CAPZB: variants seen among roughly 807,000 people sequenced by gnomAD.
The protein encoded by CAPZB is F-actin-capping protein subunit beta.
Under a neutral mutation model 38.1 loss-of-function variants are expected in CAPZB, and 2 were observed. That is an observed-to-expected ratio of 0.05 (90% CI 0.02 to 0.17). The LOEUF is 0.17. CAPZB is among the 10% of genes least tolerant of loss of function. CAPZB has a pLI of 1.00. For synonymous variants in CAPZB, 107 were observed against 127.4 expected (o/e 0.84, Z 1.08); for missense variants, 161 against 334.2 (o/e 0.48, Z 4.04).
At position 19,448,452 on chromosome 1, in the gene CAPZB, A is replaced by G. The variant is rs115066945; in HGVS notation, c.4-28702T>C. Among the ~76,000 whole-genome samples the G allele has an allele frequency of 5.1e-3, 771 of 152,368 alleles. 7 individuals carry two copies. Among genetic ancestry groups the G allele is most frequent in the African/African-American group, 0.018 (731 of 41,588 alleles). ...CTCTCTGACAACCGCCTTAATCCAC[A>G]AAGCCCAGAGGTAAAAACTCACAAG... On this transcript the variant is annotated intron_variant, in intron 1 of 8. Transcript: ENST00000264202.
chr1:19,371,680 C>G (rs558250081), intron 4 of CAPZB, among the ~76,000 whole-genome samples: 163 of 152,216 alleles, frequency 1.1e-3, no homozygotes, highest in African/African-American at 3.7e-3. Flanking sequence ...AGCCCCCCAG[C>G]ACCTCAGCTG....
intron 6 of CAPZB, among the ~76,000 whole-genome samples, chr1:19,347,919 G>C (rs1360613552): frequency 2.0e-5 from 3 of 152,182 alleles, no homozygotes; most frequent in African/African-American, 7.2e-5. Flanking sequence ...AAATGTACCA[G>C]GGCAAATGCA....
intron 1 of CAPZB, among the ~76,000 whole-genome samples, chr1:19,434,550 C>CT (rs11483583): frequency 0.47 from 69,563 of 146,786 alleles, 16,632 homozygotes; most frequent in African/African-American, 0.58. Flanking sequence ...CAGAGTAAGC[C>CT]TTTTTTTTTT....
rs214329 is a variant in CAPZB, at chr1:19,349,439, G to T, written c.589-4187C>A. Among the ~76,000 whole-genome samples the T allele has an allele frequency of 7.0e-3, 1,058 of 152,196 alleles. 14 individuals carry two copies. The highest frequency in any genetic ancestry group is 0.024 in the African/African-American group (995 of 41,516). ...CGGCCACCCTAGGGAAGGGATGAGG[G>T]TTTTGAGCTCACTGTGGGCCCCATT... On this transcript the variant is annotated intron_variant, in intron 6 of 8. Coordinates refer to ENST00000264202, the MANE Select transcript of CAPZB (RefSeq NM_004930.5).
At chr1:19,412,218 G>C (rs1287796028) in intron 2 of CAPZB, among the ~76,000 whole-genome samples, 1 of 152,204 alleles carries the variant, frequency 6.6e-6, no homozygotes, top group Non-Finnish European at 1.5e-5. Flanking sequence ...AGACTATGTA[G>C]GGGCTGGTGC....
chr1:19,356,493 C>T lies in CAPZB; in HGVS notation c.588+142G>A. The T allele has an allele frequency of 1.4e-6, 1 of 708,208 alleles. No individual in the cohort carries two copies. Among genetic ancestry groups the T allele is most frequent in the Non-Finnish European group, 2.6e-6 (1 of 389,932 alleles). The allele number at this position is 708,208 out of a possible 1,614,324, so 43.9% of individuals were successfully genotyped here. On this transcript the variant is annotated intron_variant, in intron 6 of 8. Transcript: ENST00000264202. This position sits in a 1 kb window ranked among gnomAD's most constrained non-coding sequence, Gnocchi z 4.3. ...CCCAGAGAGCTTTTATTTGAAAATG[C>T]AAAGCCCTACTTAGATGGTGGATTT... is the stretch of plus-strand genomic sequence containing the variant.
chr1:19,485,504 G>C lies in CAPZB; in HGVS notation c.-66C>G. 1 of 1,216,932 alleles carries C rather than the reference G, an allele frequency of 8.2e-7. No homozygotes were observed. Among genetic ancestry groups the C allele is most frequent in the Non-Finnish European group, 1.0e-6 (1 of 975,730 alleles). The allele number at this position is 1,216,932 out of a possible 1,614,324, so 75.4% of individuals were successfully genotyped here. A position where few individuals can be genotyped will look rare whatever the true frequency, so the allele number is the denominator to read the frequency against. On this transcript the variant is annotated 5_prime_UTR_variant, in exon 1 of 9. Transcript: ENST00000264202. ...GCTCTCCCCCCCGCAGCAGGGCCCGGCGCTTCCACTTCCCCGGGTGCCCAG... is the reference window on the plus strand; with the variant it reads ...GCTCTCCCCCCCGCAGCAGGGCCCGCCGCTTCCACTTCCCCGGGTGCCCAG...
chr1:19,388,405 G>C (rs2094214883), intron 2 of CAPZB, among the ~76,000 whole-genome samples: 1 of 152,180 alleles, frequency 6.6e-6, no homozygotes, highest in African/African-American at 2.4e-5. Context: ...GAGGGAAAGA[G>C]GGAGGAAAGG....
intron 4 of CAPZB, among the ~76,000 whole-genome samples, chr1:19,372,544 C>T (rs1209538297): frequency 6.6e-6 from 1 of 152,188 alleles, no homozygotes. Flanking sequence ...GCCCACTGGT[C>T]GCTCACACCA....
chr1:19,376,977 T>C lies in CAPZB; in HGVS notation c.329+1563A>G, dbSNP rs201837763. On this transcript the variant is annotated intron_variant, in intron 4 of 8. Transcript: ENST00000264202. ...GGGGATAACCCTCTCTCATGGGTTCTTGTGAAGACCGAATGAGACAGAGAA... is the reference window on the plus strand; with the variant it reads ...GGGGATAACCCTCTCTCATGGGTTCCTGTGAAGACCGAATGAGACAGAGAA... Among the ~76,000 whole-genome samples the C allele has an allele frequency of 7.2e-5, 11 of 152,378 alleles. No homozygotes were observed. The East Asian group carries it at 1.3e-3, about 19-fold the overall frequency.
intron 1 of CAPZB, among the ~76,000 whole-genome samples, chr1:19,432,528 C>T (rs796143746): frequency 7.9e-5 from 12 of 152,316 alleles, no homozygotes; most frequent in African/African-American, 2.9e-4. Context: ...ATTAAGAATA[C>T]TAGGTATCCA....
chr1:19,428,413 C>T (rs1056496774), intron 1 of CAPZB, among the ~76,000 whole-genome samples: 5 of 148,722 alleles, frequency 3.4e-5, no homozygotes, highest in African/African-American at 1.2e-4. Context: ...ACCCTCCCCC[C>T]ACCTGCCAAA....
intron 1 of CAPZB, among the ~76,000 whole-genome samples, chr1:19,464,142 A>G (rs941374990): frequency 5.3e-5 from 8 of 151,860 alleles, no homozygotes; most frequent in African/African-American, 1.9e-4. Flanking sequence ...AGCCAAGATC[A>G]TGCCACTGCA....
intron 1 of CAPZB, among the ~76,000 whole-genome samples, chr1:19,470,577 T>C (rs1292853893): frequency 6.6e-6 from 1 of 152,168 alleles, no homozygotes; most frequent in Non-Finnish European, 1.5e-5. Flanking sequence ...GAGTGTAGAA[T>C]CTAGATTCTA....
intron 1 of CAPZB, among the ~76,000 whole-genome samples, chr1:19,469,931 G>C (rs2094581481): frequency 6.6e-6 from 1 of 152,152 alleles, no homozygotes; most frequent in South Asian, 2.1e-4. Flanking sequence ...CTCAACACTA[G>C]CACATCTTCC....
intron 1 of CAPZB, among the ~76,000 whole-genome samples, chr1:19,476,240 G>A (rs1179154852): frequency 6.6e-6 from 1 of 151,700 alleles, no homozygotes; most frequent in Non-Finnish European, 1.5e-5. Context: ...AGGCAGGCAG[G>A]CACTGTGGCA....
chr1:19,415,920 A>G (rs1341375861), intron 2 of CAPZB, among the ~76,000 whole-genome samples: 1 of 152,258 alleles, frequency 6.6e-6, no homozygotes, highest in East Asian at 1.9e-4. Flanking sequence ...TTCCATTTTG[A>G]CATTCCTCAT....
rs114944187 is a variant in CAPZB, at chr1:19,356,800, G to A, written c.472-49C>T. On this transcript the variant is annotated intron_variant, in intron 5 of 8. Coordinates refer to ENST00000264202, the MANE Select transcript of CAPZB (RefSeq NM_004930.5). This position sits in a 1 kb window ranked among gnomAD's most constrained non-coding sequence, Gnocchi z 4.3. ...GTTGAGCTGAGGGAGAGCCTGAAGT[G>A]GCCCCTGGAATTCAGGGTCATCCTA... The A allele has an allele frequency of 4.5e-4, 582 of 1,283,764 alleles. 1 individual carries two copies. The African/African-American group carries it at 7.1e-3, about 16-fold the overall frequency. 79.5% of individuals were successfully genotyped at this position (1,283,764 alleles called of 1,614,324 possible). A position where few individuals can be genotyped will look rare whatever the true frequency, so the allele number is the denominator to read the frequency against.
At chr1:19,393,415 G>A (rs1357693184) in intron 2 of CAPZB, among the ~76,000 whole-genome samples, 4 of 152,320 alleles carry the variant, frequency 2.6e-5, no homozygotes, top group Admixed American at 1.3e-4. Context: ...TAATAGCCAC[G>A]TGAGCTAGGG....
Sources: gnomAD v4.1 joint callset for allele counts (sites outside exome capture counted in the v4.1 genomes callset) on GRCh38, gnomAD v4.1.1 for gene constraint, Gnocchi (gnomAD v3.1) non-coding constraint, MANE v1.5 for transcripts, NCBI Gene and HGNC (gene_info 2026-07-23, HGNC 2026-07-21) for gene names.